DDHD1: variants seen among roughly 807,000 people sequenced by gnomAD.
DDHD1 encodes phospholipase DDHD1.
Under a neutral mutation model 96.4 loss-of-function variants are expected in DDHD1, and 49 were observed. The ratio of observed to expected loss-of-function variants is 0.51; its 90% CI spans 0.40 to 0.64. DDHD1 has a LOEUF of 0.64. DDHD1 is among the 30% of genes least tolerant of loss of function. The pLI is 0.00. For synonymous variants in DDHD1, 442 were observed against 446.5 expected, an observed-to-expected ratio of 0.99 and a Z score of 0.13; for missense variants, 1,106 against 1,161.2, an observed-to-expected ratio of 0.95 and a Z score of 0.69.
At chr14:53,077,194 G>A (rs1054604986) in intron 4 of DDHD1, among the ~76,000 whole-genome samples, 25 of 152,156 alleles carry the variant, frequency 1.6e-4, no homozygotes, top group Admixed American at 9.8e-4. Context: ...GTTTTGGCGA[G>A]ACTACTACTC....
At chr14:53,058,700 A>T (rs1883280726) in intron 8 of DDHD1, 74 bp from the exon 9 acceptor site, 1 of 1,296,470 alleles carries the variant, frequency 7.7e-7, no homozygotes, top group Non-Finnish European at 1.1e-6. Context: ...GGCATAACGT[A>T]ATATATGGCA....
chr14:53,128,827 G>A (rs1471257415), intron 1 of DDHD1, among the ~76,000 whole-genome samples: 1 of 152,130 alleles, frequency 6.6e-6, no homozygotes, highest in Non-Finnish European at 1.5e-5. Flanking sequence ...AGCAACTGAA[G>A]AACCACAAAA....
At chr14:53,052,223 T>A (rs1193647312) in intron 11 of DDHD1, among the ~76,000 whole-genome samples, 1 of 151,854 alleles carries the variant, frequency 6.6e-6, no homozygotes, top group Admixed American at 6.6e-5. Context: ...GATCTTTGCA[T>A]TATATGTTAG....
Position 53,043,428 on chromosome 14 carries a change from CAT to C in DDHD1, c.*3338_*3339del, listed in dbSNP as rs934041777. ...GTGTGTGTGTGTGTGTGTGTAAATACATACTTTTTTTTTTTGGATACAGTGTC... is the reference window on the plus strand; with the variant it reads ...GTGTGTGTGTGTGTGTGTGTAAATACACTTTTTTTTTTTGGATACAGTGTC... On this transcript the variant is annotated 3_prime_UTR_variant, in exon 13 of 13. Transcript: ENST00000673822. 69 of 124,118 alleles carry C rather than the reference CAT, an allele frequency of 5.6e-4. No individual in the cohort carries two copies. Among genetic ancestry groups the C allele is most frequent in the African/African-American group, 2.3e-3 (67 of 29,294 alleles). 7.7% of individuals were successfully genotyped at this position (124,118 alleles called of 1,614,324 possible).
chr14:53,051,135 C>G (rs1439967939), intron 12 of DDHD1, among the ~76,000 whole-genome samples: 1 of 140,092 alleles, frequency 7.1e-6, no homozygotes, highest in Non-Finnish European at 1.5e-5. Flanking sequence ...TTGGTTAAAA[C>G]ATTAAAAGAA....
At position 53,059,996 on chromosome 14, in the gene DDHD1, T is replaced by C. The variant is rs1318553687; in HGVS notation, c.1842+1130A>G. ...TATAACTTACCATATTGTTTTACAA[T>C]GTATGGTATATATTTTTTTTAAAAA... On this transcript the variant is annotated intron_variant, in intron 8 of 12. Coordinates refer to ENST00000673822, the MANE Select transcript of DDHD1 (RefSeq NM_001160148.2). Among the ~76,000 whole-genome samples the C allele has an allele frequency of 3.3e-5, 5 of 151,388 alleles. No homozygotes were observed. In the East Asian group the frequency reaches 5.8e-4, roughly 18 times the overall value.
At chr14:53,112,136 G>A (rs950882236) in intron 1 of DDHD1, among the ~76,000 whole-genome samples, 1 of 152,100 alleles carries the variant, frequency 6.6e-6, no homozygotes, top group African/African-American at 2.4e-5. Context: ...GTTACACAGG[G>A]CCTGGCGTGG....
At chr14:53,070,523 G>A (rs1240801931) in intron 6 of DDHD1, among the ~76,000 whole-genome samples, 9 of 152,062 alleles carry the variant, frequency 5.9e-5, no homozygotes, top group Non-Finnish European at 1.0e-4. Context: ...AATTTATGAA[G>A]ATAGAATTGG....
chr14:53,052,936 C>T (rs1033539533), intron 11 of DDHD1: 1 of 150,914 alleles, frequency 6.6e-6, no homozygotes, highest in Non-Finnish European at 1.5e-5. Context: ...GAAGAAAAAA[C>T]TGGGGGTTTC....
At chr14:53,142,495 T>C (rs1890708949) in intron 1 of DDHD1, among the ~76,000 whole-genome samples, 1 of 152,180 alleles carries the variant, frequency 6.6e-6, no homozygotes, top group Non-Finnish European at 1.5e-5. Context: ...TTACTGGCTT[T>C]GCCTTAACTG....
At chr14:53,097,174 A>T (rs1191424701) in intron 2 of DDHD1, among the ~76,000 whole-genome samples, 1 of 151,966 alleles carries the variant, frequency 6.6e-6, no homozygotes, top group Non-Finnish European at 1.5e-5. Context: ...ACTCCCTTCT[A>T]TATTAATGTG....
intron 1 of DDHD1, among the ~76,000 whole-genome samples, chr14:53,133,047 G>T (rs929215447): frequency 1.3e-5 from 2 of 152,072 alleles, no homozygotes; most frequent in Non-Finnish European, 1.5e-5. Flanking sequence ...TCATAACCTC[G>T]TCCATGAAGG....
At chr14:53,073,896 CT>C in intron 4 of DDHD1, 49 bp from the exon 5 acceptor site, 1 of 1,475,618 alleles carries the variant, frequency 6.8e-7, no homozygotes, top group Non-Finnish European at 9.4e-7. Flanking sequence ...ATGAGAATAA[CT>C]TCACATATAA....
Position 53,051,856 on chromosome 14 carries a change from C to T in DDHD1, c.2509G>A (p.Asp837Asn), listed in dbSNP as rs1202761979. ...LFPENVMQNK[D>N]NALVELDHRI... is the part of the protein sequence containing the mutation. ...ACATATACCATACCGAGGGCATTAT[C>T]TTTATTCTGCATTACATTTTCCGGA... The change falls in exon 12 of 13, where the codon GAT becomes AAT. Residue 837 changes from aspartate to asparagine, a missense_variant. By Grantham distance (23) the Asp-to-Asn change is conservative. This residue lies in a region of DDHD1 where 650 missense variants were observed against 758.8 expected (regional missense o/e 0.86). Transcript: ENST00000673822. 1.9e-6 allele frequency: 3 copies of T among 1,596,402 alleles called. No individual in the cohort carries two copies. The highest frequency in any genetic ancestry group is 2.6e-6 in the Non-Finnish European group (3 of 1,170,156).
At chr14:53,141,325 T>C (rs1302612847) in intron 1 of DDHD1, among the ~76,000 whole-genome samples, 2 of 152,218 alleles carry the variant, frequency 1.3e-5, no homozygotes, top group Admixed American at 6.5e-5. Context: ...TCTCAGAGTG[T>C]AAGTGAAAAC....
At chr14:53,058,449 A>G (rs773332481) in intron 9 of DDHD1, 28 bp downstream of exon 9, 19 of 1,574,282 alleles carry the variant, frequency 1.2e-5, no homozygotes, top group Admixed American at 7.6e-5. Flanking sequence ...TGACATTGAG[A>G]AAAAAAAGAG....
chr14:53,073,242 T>C (rs575898173), intron 5 of DDHD1, among the ~76,000 whole-genome samples: 8 of 152,102 alleles, frequency 5.3e-5, no homozygotes, highest in African/African-American at 1.9e-4. Context: ...TTTAAACAAA[T>C]ATACAAATTA....
At chr14:53,129,348 C>G (rs1369825756) in intron 1 of DDHD1, among the ~76,000 whole-genome samples, 2 of 152,338 alleles carry the variant, frequency 1.3e-5, no homozygotes, top group East Asian at 3.9e-4. Flanking sequence ...CTTCTCCAAC[C>G]TCTCTCGCTA....
chr14:53,083,241 AATAAG>A (rs1418777562), intron 4 of DDHD1, among the ~76,000 whole-genome samples: 26 of 152,134 alleles, frequency 1.7e-4, no homozygotes, highest in Admixed American at 1.5e-3. Flanking sequence ...TTCAGGAGGG[AATAAG>A]ATAAGCTCAT....
Sources: allele counts gnomAD v4.1 joint callset (sites outside exome capture counted in the v4.1 genomes callset), GRCh38; gene constraint gnomAD v4.1.1; regional missense constraint gnomAD v4.1.1; transcripts MANE v1.5; gene names NCBI Gene and HGNC (gene_info 2026-07-23, HGNC 2026-07-21).